ZNF346: variants seen among roughly 807,000 people sequenced by gnomAD.
ZNF346 encodes zinc finger protein 346.
In ZNF346, 23 loss-of-function variants were observed where a neutral mutation model predicts 33.7. The ratio of observed to expected loss-of-function variants is 0.68; its 90% CI spans 0.49 to 0.97. The LOEUF is 0.97. Ranked by LOEUF, ZNF346 falls within the 50% of genes least tolerant of loss-of-function variation. ZNF346 has a pLI of 0.00. For missense variants in ZNF346, 340 were observed against 371.1 expected (o/e 0.92, Z 0.69); for synonymous variants, 134 against 142.4 (o/e 0.94, Z 0.42).
intron 4 of ZNF346, among the ~76,000 whole-genome samples, chr5:177,047,336 T>TG (rs1327776173): frequency 1.3e-5 from 2 of 150,612 alleles, no homozygotes; most frequent in Non-Finnish European, 2.9e-5. Context: ...TTTGTTTGTT[T>TG]TTTGTTTTTT....
intron 1 of ZNF346, among the ~76,000 whole-genome samples, chr5:177,032,475 A>G (rs1405742467): frequency 2.0e-5 from 3 of 151,748 alleles, no homozygotes; most frequent in African/African-American, 7.3e-5. Context: ...CAATGGCACA[A>G]TCTCAGTTCA....
chr5:177,069,673 G>A (rs1195916294), downstream of ZNF346, among the ~76,000 whole-genome samples: 1 of 151,658 alleles, frequency 6.6e-6, no homozygotes, highest in Non-Finnish European at 1.5e-5. Context: ...TGAGACTACA[G>A]GCACATGCCA....
chr5:177,022,855 G>T lies in ZNF346; in HGVS notation c.117G>T (p.Glu39Asp). 1 of 1,531,032 alleles carries T rather than the reference G, an allele frequency of 6.5e-7. No individual in the cohort carries two copies. 94.8% of individuals were successfully genotyped at this position (1,531,032 alleles called of 1,614,324 possible). Reference protein sequence around the residue: ...QEPDGVRFDRERARRLWEAVS... With the variant: ...QEPDGVRFDRDRARRLWEAVS... ...CGGACGGGGTGCGCTTTGACCGCGA[G>T]AGGGCGCGCCGCCTGTGGGAAGCCG... The change falls in exon 1 of 7, where the codon GAG becomes GAT. Residue 39 changes from glutamate (E) to aspartate (D), a missense_variant. Transcript: ENST00000358149.
chr5:177,068,163 C>T (rs1336748762), downstream of ZNF346, among the ~76,000 whole-genome samples: 1 of 138,930 alleles, frequency 7.2e-6, no homozygotes, highest in Non-Finnish European at 1.5e-5. Context: ...GCCATGGTCT[C>T]ACAGGGTGAG....
intron 5 of ZNF346, among the ~76,000 whole-genome samples, chr5:177,056,567 A>G (rs571050327): frequency 1.3e-5 from 2 of 152,352 alleles, no homozygotes; most frequent in East Asian, 1.9e-4. Flanking sequence ...CATATACACC[A>G]TGGAATACTA....
chr5:177,034,202 TC>T (rs1461837906), intron 1 of ZNF346, among the ~76,000 whole-genome samples: 1 of 118,828 alleles, frequency 8.4e-6, no homozygotes, highest in African/African-American at 4.6e-5. Flanking sequence ...TTCCTTTCTT[TC>T]TTTTTTTTTT....
downstream of ZNF346, among the ~76,000 whole-genome samples, chr5:177,068,365 A>T (rs1783337527): frequency 1.4e-5 from 2 of 144,252 alleles, no homozygotes; most frequent in Non-Finnish European, 2.9e-5. Flanking sequence ...TGATTCACTT[A>T]ATGAAAAATC....
At position 177,024,103 on chromosome 5, in the gene ZNF346, A is replaced by G. The variant is rs542969207; in HGVS notation, c.175+1190A>G. Among the ~76,000 whole-genome samples, 28 of 148,858 alleles carry G rather than the reference A, an allele frequency of 1.9e-4. No homozygotes were observed. In the East Asian group the frequency reaches 4.7e-3, roughly 25 times the overall value. On this transcript the variant is annotated intron_variant, in intron 1 of 6. Coordinates refer to ENST00000358149, the MANE Select transcript of ZNF346 (RefSeq NM_012279.4). ...ACATAAATGTATATATATAATATAT[A>G]CACACATAAATCTGTATATATATTT...
At chr5:177,073,096 C>T (rs903852693) in intron 8 of ZNF346, among the ~76,000 whole-genome samples, 2 of 152,160 alleles carry the variant, frequency 1.3e-5, no homozygotes, top group African/African-American at 4.8e-5. Context: ...TGCTGTGTTA[C>T]GATGATCTAA....
chr5:177,034,203 C>CTT (rs34082036), intron 1 of ZNF346, among the ~76,000 whole-genome samples: 126 of 142,882 alleles, frequency 8.8e-4, no homozygotes, highest in Middle Eastern at 3.6e-3. Flanking sequence ...TCCTTTCTTT[C>CTT]TTTTTTTTTT....
At chr5:177,072,296 C>G (rs1581984967), downstream of ZNF346, among the ~76,000 whole-genome samples, 1 of 152,384 alleles carries the variant, frequency 6.6e-6, no homozygotes, top group East Asian at 1.9e-4. Flanking sequence ...ACATTTCCCT[C>G]AGGAGGCCCT....
At chr5:177,073,850 T>G (rs541999916) in intron 8 of ZNF346, among the ~76,000 whole-genome samples, 17 of 151,758 alleles carry the variant, frequency 1.1e-4, no homozygotes, top group Middle Eastern at 3.4e-3. Context: ...CATTTCCCAG[T>G]CTCTTGAATC....
chr5:177,049,274 A>G (rs957355698), intron 4 of ZNF346, among the ~76,000 whole-genome samples: 1 of 152,222 alleles, frequency 6.6e-6, no homozygotes. Context: ...GGCTTGCCCA[A>G]AATCCTCAAA....
intron 5 of ZNF346, among the ~76,000 whole-genome samples, chr5:177,057,797 C>CTTATTTATTTATTTAT (rs200388195): frequency 3.6e-4 from 48 of 133,318 alleles, no homozygotes; most frequent in African/African-American, 1.1e-3. Context: ...CATAGATTTT[C>CTTATTTATTTATTTAT]TTATTTATTT....
intron 1 of ZNF346, 137 bp downstream of exon 1, chr5:177,023,050 C>A (rs1271090227): frequency 3.5e-6 from 5 of 1,445,762 alleles, no homozygotes; most frequent in Non-Finnish European, 9.3e-7. Context: ...CTTGTGCTCC[C>A]CATCCGGGCG....
At chr5:177,052,624 CT>C (rs1333509610) in intron 5 of ZNF346, 1 of 152,204 alleles carries the variant, frequency 6.6e-6, no homozygotes, top group Non-Finnish European at 1.5e-5. Context: ...AGGTGAACCC[CT>C]GAGAGAGAAA....
chr5:177,071,585 T>TGGG, downstream of ZNF346, among the ~76,000 whole-genome samples: 1 of 149,074 alleles, frequency 6.7e-6, no homozygotes, highest in Admixed American at 6.7e-5. Context: ...ACCGGGAGGC[T>TGGG]GAGGCAGGAG....
At chr5:177,034,822 G>A (rs540258096) in intron 1 of ZNF346, among the ~76,000 whole-genome samples, 1 of 152,278 alleles carries the variant, frequency 6.6e-6, no homozygotes, top group East Asian at 1.9e-4. Context: ...TCCAGCATCC[G>A]TTGTCCAGCT....
At chr5:177,038,258 T>G (rs897895440) in intron 1 of ZNF346, among the ~76,000 whole-genome samples, 30 of 147,180 alleles carry the variant, frequency 2.0e-4, no homozygotes, top group Non-Finnish European at 4.4e-4. Flanking sequence ...CCAACTACGT[T>G]TTTTTTTTTT....
Sources: allele counts gnomAD v4.1 joint callset (sites outside exome capture counted in the v4.1 genomes callset), GRCh38; gene constraint gnomAD v4.1.1; transcripts MANE v1.5; gene names NCBI Gene and HGNC (gene_info 2026-07-23, HGNC 2026-07-21).